Variants in CELF5 observed in about 807,000 individuals in gnomAD.
The protein encoded by CELF5 is CUG-BP and ETR-3 like factor 5.
CELF5 carries 6 observed loss-of-function variants against 54.9 expected under a neutral mutation model. That is an observed-to-expected ratio of 0.11 (90% confidence interval 0.06 to 0.22). The LOEUF (loss-of-function observed/expected upper bound fraction) is 0.22, where lower values mean the gene tolerates loss of function less well. Ranked by LOEUF, CELF5 falls within the 10% of genes least tolerant of loss-of-function variation. The pLI is 1.00. For synonymous variants in CELF5, 271 were observed against 290.9 expected (o/e 0.93, Z 0.70); for missense variants, 401 against 678.6 (o/e 0.59, Z 4.54).
At chr19:3,252,546 C>A (rs141804544) in intron 2 of CELF5, among the ~76,000 whole-genome samples, 5 of 152,150 alleles carry the variant, frequency 3.3e-5, no homozygotes, top group Non-Finnish European at 5.9e-5. Context: ...TTCTCAGGGA[C>A]CTTTCAGCCT....
chr19:3,227,926 T>A (rs947398462), intron 1 of CELF5, among the ~76,000 whole-genome samples: 2 of 151,992 alleles, frequency 1.3e-5, no homozygotes, highest in Non-Finnish European at 2.9e-5. Flanking sequence ...CCGTGACACC[T>A]GACAGCCACA....
chr19:3,250,528 G>C (rs936553250), intron 1 of CELF5, among the ~76,000 whole-genome samples: 4 of 152,076 alleles, frequency 2.6e-5, no homozygotes, highest in Non-Finnish European at 5.9e-5. Context: ...CAGCTCAGTG[G>C]TATTAAGCAT....
At chr19:3,264,359 G>A (rs1445684274) in intron 2 of CELF5, among the ~76,000 whole-genome samples, 1 of 144,772 alleles carries the variant, frequency 6.9e-6, no homozygotes, top group Non-Finnish European at 1.5e-5. Flanking sequence ...ATAATAGTCT[G>A]TCATCTTTTA....
At chr19:3,239,424 T>G (rs1180951214) in intron 1 of CELF5, among the ~76,000 whole-genome samples, 3 of 152,020 alleles carry the variant, frequency 2.0e-5, no homozygotes, top group Non-Finnish European at 4.4e-5. Flanking sequence ...TTACTGGAGA[T>G]GGGGTCTCAC....
Position 3,282,834 on chromosome 19 carries a change from G to C in CELF5, c.1039+336G>C, listed in dbSNP as rs1168749076. On this transcript the variant is annotated intron_variant, in intron 8 of 12. Coordinates refer to ENST00000292672, the MANE Select transcript of CELF5 (RefSeq NM_021938.4). The surrounding 1 kb of genome is among the most constrained non-coding windows in gnomAD (Gnocchi z 5.2). ...GAGGGTTGCATTGACAATTTAATCT[G>C]TGTGCAAAAGGCTTCACACAGGGTC... Among the ~76,000 whole-genome samples the C allele has an allele frequency of 6.6e-6, 1 of 152,114 alleles. No individual in the cohort carries two copies. Among genetic ancestry groups the C allele is most frequent in the Non-Finnish European group, 1.5e-5 (1 of 68,022 alleles).
At chr19:3,272,036 T>C (rs2079973277) in intron 2 of CELF5, among the ~76,000 whole-genome samples, 1 of 152,196 alleles carries the variant, frequency 6.6e-6, no homozygotes, top group Non-Finnish European at 1.5e-5. Context: ...ATTGCACCTC[T>C]CTCTGAAGCT....
At chr19:3,250,884 G>GTATCATTAAAA in intron 1 of CELF5, 101 bp from the exon 2 acceptor site, 12 of 583,532 alleles carry the variant, frequency 2.1e-5, no homozygotes, top group South Asian at 2.9e-5. Context: ...TCTGTGGATG[G>GTATCATTAAAA]AAGCTTGGGT....
Position 3,286,321 on chromosome 19 carries a change from C to T in CELF5, c.1186+296C>T, listed in dbSNP as rs146041452. 1.1e-3 allele frequency: 427 copies of T among 392,208 alleles called. 1 individual carries two copies. The highest frequency in any genetic ancestry group is 8.3e-3 in the East Asian group (204 of 24,634). 24.3% of individuals were successfully genotyped at this position (392,208 alleles called of 1,614,324 possible). On this transcript the variant is annotated intron_variant, in intron 10 of 12. Coordinates refer to ENST00000292672, the MANE Select transcript of CELF5 (RefSeq NM_021938.4). ...TTCTCTGGATTTTTTGGAAAGGAAACCCTTTTTGAGGCTGGGGCATGGCAC... is the reference window on the plus strand; with the variant it reads ...TTCTCTGGATTTTTTGGAAAGGAAATCCTTTTTGAGGCTGGGGCATGGCAC...
chr19:3,293,285 C>G (rs372802070), intron 11 of CELF5, 34 bp from the exon 12 acceptor site: 3 of 1,612,298 alleles, frequency 1.9e-6, no homozygotes, highest in Non-Finnish European at 1.7e-6. Flanking sequence ...ACACCCGCAG[C>G]GCCAACCACG....
intron 1 of CELF5, among the ~76,000 whole-genome samples, chr19:3,241,153 C>A (rs1446927550): frequency 6.6e-6 from 1 of 151,788 alleles, no homozygotes; most frequent in Non-Finnish European, 1.5e-5. Flanking sequence ...CCACCAACTC[C>A]CTGGTTCAAG....
intron 11 of CELF5, among the ~76,000 whole-genome samples, chr19:3,292,672 G>C (rs1353804045): frequency 1.3e-5 from 2 of 152,082 alleles, no homozygotes; most frequent in Non-Finnish European, 2.9e-5. Context: ...AGATGAGACA[G>C]AAGGAGAGGG....
intron 10 of CELF5, among the ~76,000 whole-genome samples, chr19:3,289,453 G>A (rs1432077892): frequency 2.0e-5 from 3 of 151,860 alleles, no homozygotes; most frequent in Non-Finnish European, 4.4e-5. Context: ...AGGCCAAGGC[G>A]GGCAGATCAC....
intron 1 of CELF5, among the ~76,000 whole-genome samples, chr19:3,246,547 T>C (rs1290870380): frequency 2.0e-5 from 3 of 151,488 alleles, no homozygotes; most frequent in African/African-American, 7.3e-5. Flanking sequence ...CTAATAATAA[T>C]AGTAATAATA....
Position 3,275,752 on chromosome 19 carries a change from C to A in CELF5, c.395-104C>A. ...CGGAGCCGGCAGGGCCCGGGCGCCG[C>A]GTCTTCCTGCCCTGCCGCCTCCACT... On this transcript the variant is annotated intron_variant, in intron 3 of 12. Transcript: ENST00000292672. This position sits in a 1 kb window ranked among gnomAD's most constrained non-coding sequence, Gnocchi z 6.7. 7.8e-7 allele frequency: 1 copy of A among 1,277,034 alleles called. No individual in the cohort carries two copies. The allele number at this position is 1,277,034 out of a possible 1,614,324, so 79.1% of individuals were successfully genotyped here. A position where few individuals can be genotyped will look rare whatever the true frequency, so the allele number is the denominator to read the frequency against.
At chr19:3,225,822 C>G (rs1197641992) in intron 1 of CELF5, among the ~76,000 whole-genome samples, 1 of 151,596 alleles carries the variant, frequency 6.6e-6, no homozygotes, top group East Asian at 2.0e-4. Context: ...GGCCGAGCCT[C>G]TTAGCAATGT....
chr19:3,229,703 C>T (rs1226875981), intron 1 of CELF5, among the ~76,000 whole-genome samples: 9 of 152,178 alleles, frequency 5.9e-5, no homozygotes, highest in Non-Finnish European at 7.4e-5. Context: ...GGCATGGGGC[C>T]GGGCACAGAG....
intron 1 of CELF5, among the ~76,000 whole-genome samples, chr19:3,232,559 GA>G (rs562157637): frequency 0.012 from 1,678 of 145,582 alleles, 33 homozygotes; most frequent in African/African-American, 0.038. Context: ...AGTCTGTAAA[GA>G]AAAAAAAAAA....
chr19:3,281,289 A>T lies in CELF5; in HGVS notation c.694A>T (p.Ile232Phe). The T allele has an allele frequency of 6.2e-7, 1 of 1,611,810 alleles. No homozygotes were observed. Among genetic ancestry groups the T allele is most frequent in the South Asian group, 1.1e-5 (1 of 91,086 alleles). The change falls in exon 6 of 13, where the codon ATC (isoleucine) becomes TTC (phenylalanine). Residue 232 changes from isoleucine (I) to phenylalanine (F), a missense_variant. Ile to Phe is a conservative substitution (Grantham distance 21). This residue lies in a region of CELF5 where 87 missense variants were observed against 190.2 expected (regional missense o/e 0.46). Transcript: ENST00000292672. This position sits in a 1 kb window ranked among gnomAD's most constrained non-coding sequence, Gnocchi z 6.5. ...RMQQMVGQLG[I>F]LTPSLTLPFS... ...GCAGCAGATGGTGGGCCAGCTGGGC[A>T]TCCTGACGCCGTCCCTCACATTGCC...
At chr19:3,257,695 C>T (rs998148529) in intron 2 of CELF5, among the ~76,000 whole-genome samples, 4 of 151,762 alleles carry the variant, frequency 2.6e-5, no homozygotes, top group Non-Finnish European at 4.4e-5. Flanking sequence ...AGGCTGGTCT[C>T]GAACTCCCGA....
Sources: gnomAD v4.1 joint callset for allele counts (sites outside exome capture counted in the v4.1 genomes callset) on GRCh38, gnomAD v4.1.1 for gene constraint, gnomAD v4.1.1 regional missense constraint, Gnocchi (gnomAD v3.1) non-coding constraint, MANE v1.5 for transcripts, NCBI Gene and HGNC (gene_info 2026-07-23, HGNC 2026-07-21) for gene names.